The following NECAB1 variants were observed in gnomAD, a reference collection of about 807,000 sequenced individuals.
NECAB1 encodes the protein N-terminal EF-hand calcium-binding protein 1.
In NECAB1, 29 loss-of-function variants were observed where a neutral mutation model predicts 57.5. The observed-to-expected ratio is 0.50, with a 90% CI of 0.38 to 0.69. NECAB1 has a LOEUF of 0.69. Ranked by LOEUF, NECAB1 falls within the 30% of genes least tolerant of loss-of-function variation. The pLI is 0.00. For synonymous variants in NECAB1, 142 were observed against 147.7 expected, an observed-to-expected ratio of 0.96 and a Z score of 0.28; for missense variants, 372 against 413.8, an observed-to-expected ratio of 0.90 and a Z score of 0.88.
intron 1 of NECAB1, among the ~76,000 whole-genome samples, chr8:90,795,405 T>TAAAGAG (rs1489957835): frequency 6.6e-6 from 1 of 152,170 alleles, no homozygotes; most frequent in South Asian, 2.1e-4. Flanking sequence ...GGAAAGAGGC[T>TAAAGAG]GGAAAGTTGT....
At chr8:90,950,116 C>T (rs908805797) in intron 11 of NECAB1, among the ~76,000 whole-genome samples, 8 of 151,946 alleles carry the variant, frequency 5.3e-5, no homozygotes, top group Admixed American at 4.6e-4. Flanking sequence ...TTGAGTCTTA[C>T]CATTTTACTG....
intron 6 of NECAB1, among the ~76,000 whole-genome samples, chr8:90,922,228 C>A (rs1053483595): frequency 6.6e-6 from 1 of 152,194 alleles, no homozygotes; most frequent in African/African-American, 2.4e-5. Context: ...ATGTGGATTT[C>A]CTTTTTATAA....
At chr8:90,823,493 A>AC (rs1190319484) in intron 2 of NECAB1, among the ~76,000 whole-genome samples, 8 of 151,676 alleles carry the variant, frequency 5.3e-5, no homozygotes, top group Admixed American at 1.3e-4. Context: ...TTTCTTGTCT[A>AC]CCCACCCCTC....
intron 3 of NECAB1, among the ~76,000 whole-genome samples, chr8:90,860,438 C>T (rs1381465841): frequency 6.6e-6 from 1 of 151,950 alleles, no homozygotes; most frequent in Non-Finnish European, 1.5e-5. Context: ...ACTTACTAAA[C>T]TAGTATGAAG....
chr8:90,926,479 G>A (rs192964179), intron 7 of NECAB1, among the ~76,000 whole-genome samples: 3 of 152,236 alleles, frequency 2.0e-5, no homozygotes, highest in East Asian at 1.9e-4. Flanking sequence ...TAAGTGATTT[G>A]TCCAAGGTCA....
chr8:90,853,163 A>C (rs748581798), intron 3 of NECAB1, among the ~76,000 whole-genome samples: 1 of 152,240 alleles, frequency 6.6e-6, no homozygotes, highest in Non-Finnish European at 1.5e-5. Flanking sequence ...GCTCACCTGC[A>C]TGCTGCCTCC....
At chr8:90,897,699 T>C (rs2129999038) in intron 5 of NECAB1, among the ~76,000 whole-genome samples, 1 of 152,312 alleles carries the variant, frequency 6.6e-6, no homozygotes, top group South Asian at 2.1e-4. Context: ...TCAAATAATA[T>C]GCATAGACAA....
intron 3 of NECAB1, among the ~76,000 whole-genome samples, chr8:90,835,169 G>A (rs1219114681): frequency 6.6e-6 from 1 of 152,068 alleles, no homozygotes. Flanking sequence ...GAAGGCAGAG[G>A]CCATAACTAT....
intron 2 of NECAB1, among the ~76,000 whole-genome samples, chr8:90,820,876 T>C (rs1812132809): frequency 6.6e-6 from 1 of 151,924 alleles, no homozygotes; most frequent in Non-Finnish European, 1.5e-5. Context: ...AGTAAATCCA[T>C]ATCTACCATT....
intron 4 of NECAB1, among the ~76,000 whole-genome samples, chr8:90,880,257 C>A (rs908726419): frequency 2.0e-5 from 3 of 151,982 alleles, no homozygotes; most frequent in Non-Finnish European, 4.4e-5. Context: ...AGGAAGGGTT[C>A]ACAGGAATGG....
At chr8:90,833,797 T>C (rs772365701) in intron 3 of NECAB1, among the ~76,000 whole-genome samples, 20 of 152,102 alleles carry the variant, frequency 1.3e-4, no homozygotes, top group Non-Finnish European at 2.6e-4. Flanking sequence ...CCCCAACCAA[T>C]TCTGTACATT....
chr8:90,897,285 T>G (rs1809379909), intron 5 of NECAB1, among the ~76,000 whole-genome samples: 1 of 152,200 alleles, frequency 6.6e-6, no homozygotes, highest in South Asian at 2.1e-4. Context: ...GTTTTGGTTT[T>G]GTTGTTGTTG....
At chr8:90,928,413 C>T in intron 8 of NECAB1, 114 bp downstream of exon 8, 2 of 693,778 alleles carry the variant, frequency 2.9e-6, no homozygotes, top group Non-Finnish European at 4.5e-6. Flanking sequence ...AGCCAGGATC[C>T]CAATGATTCT....
intron 5 of NECAB1, among the ~76,000 whole-genome samples, chr8:90,882,228 A>G (rs190952357): frequency 3.3e-5 from 5 of 152,320 alleles, no homozygotes; most frequent in African/African-American, 9.6e-5. Flanking sequence ...GATCAGAAAG[A>G]TGAGTGAGTA....
At chr8:90,912,799 G>A (rs1809859997) in intron 5 of NECAB1, among the ~76,000 whole-genome samples, 1 of 152,188 alleles carries the variant, frequency 6.6e-6, no homozygotes, top group African/African-American at 2.4e-5. Context: ...TAGATAATGT[G>A]TGTAGCCCAC....
chr8:90,917,870 A>ATATATATG (rs1554575432), intron 6 of NECAB1, among the ~76,000 whole-genome samples: 48 of 64,318 alleles, frequency 7.5e-4, no homozygotes, highest in East Asian at 1.1e-3. Context: ...ATATATATAT[A>ATATATATG]TGTGTGTGTG....
intron 3 of NECAB1, among the ~76,000 whole-genome samples, chr8:90,842,722 G>A (rs1299876646): frequency 6.6e-6 from 1 of 152,238 alleles, no homozygotes; most frequent in Non-Finnish European, 1.5e-5. Flanking sequence ...CTGTCATTTA[G>A]ATGGCCAGAG....
At chr8:90,815,773 A>G (rs1461403507) in intron 2 of NECAB1, among the ~76,000 whole-genome samples, 3 of 152,028 alleles carry the variant, frequency 2.0e-5, no homozygotes, top group Admixed American at 6.6e-5. Context: ...GGATGTATCA[A>G]ATTATTTTAT....
At chr8:90,876,052 C>G (rs1278049242) in intron 4 of NECAB1, among the ~76,000 whole-genome samples, 1 of 152,036 alleles carries the variant, frequency 6.6e-6, no homozygotes, top group African/African-American at 2.4e-5. Context: ...AATAAAATAA[C>G]TGAGCGTACG....
Sources: allele counts gnomAD v4.1 joint callset (sites outside exome capture counted in the v4.1 genomes callset), GRCh38; gene constraint gnomAD v4.1.1; transcripts MANE v1.5; gene names NCBI Gene and HGNC (gene_info 2026-07-23, HGNC 2026-07-21).